The following GXYLT2 variants were observed in gnomAD, a reference collection of about 807,000 sequenced individuals.
The protein encoded by GXYLT2 is glucoside xylosyltransferase 2.
Under a neutral mutation model 45.8 loss-of-function variants are expected in GXYLT2, and 53 were observed. The observed-to-expected ratio is 1.16, with a 90% CI of 0.93 to 1.46. The LOEUF is 1.46. Among genes scored for constraint, GXYLT2 ranks in the 40% most tolerant of loss-of-function variants. The pLI is 0.00. For synonymous variants in GXYLT2, 219 were observed against 214.2 expected, an observed-to-expected ratio of 1.02 and a Z score of -0.19; for missense variants, 551 against 544.4, an observed-to-expected ratio of 1.01 and a Z score of -0.12.
At position 72,888,357 on chromosome 3, in the gene GXYLT2, G is replaced by T; in HGVS notation, c.124G>T (p.Ala42Ser). The T allele has an allele frequency of 1.0e-6, 1 of 982,614 alleles. No individual in the cohort carries two copies. Among genetic ancestry groups the T allele is most frequent in the Non-Finnish European group, 1.2e-6 (1 of 829,816 alleles). 60.9% of individuals were successfully genotyped at this position (982,614 alleles called of 1,614,324 possible). The stretch of plus-strand genomic sequence containing the variant: ...AGCGCTGCCCGCGCGCCCCGCGTCC[G>T]CCCCGCAGCGCCACCCCGCGCCTGT... ...PPALPARPAS[A>S]PQRHPAPVPA... is the part of the protein sequence containing the mutation. The change falls in exon 1 of 7, where the codon GCC (alanine) becomes TCC (serine). Residue 42 changes from alanine to serine, a missense_variant. By Grantham distance (99) the Ala-to-Ser change is moderately conservative. Transcript: ENST00000389617.
intron 2 of GXYLT2, among the ~76,000 whole-genome samples, chr3:72,914,313 C>T (rs1015604470): frequency 2.0e-5 from 3 of 152,064 alleles, no homozygotes; most frequent in Non-Finnish European, 4.4e-5. Flanking sequence ...CATCTCCCAA[C>T]AGAGAAGTGG....
At position 72,915,059 on chromosome 3, in the gene GXYLT2, A is replaced by G. The variant is rs961793469; in HGVS notation, c.468+6500A>G. On this transcript the variant is annotated intron_variant, in intron 2 of 6. Transcript: ENST00000389617. ...TCCCAGCTACTTAGGAGGCTGAGGC[A>G]TGAGAATCGCTTGAACCCGGGAGTG... 2.0e-5 allele frequency among the ~76,000 whole-genome samples: 3 copies of G among 152,158 alleles called. No individual in the cohort carries two copies. The East Asian group carries it at 5.8e-4, about 30-fold the overall frequency.
At chr3:72,912,510 T>C (rs1709652023) in intron 2 of GXYLT2, among the ~76,000 whole-genome samples, 1 of 152,142 alleles carries the variant, frequency 6.6e-6, no homozygotes, top group Non-Finnish European at 1.5e-5. Context: ...AGTTAATATA[T>C]TACATATATA....
At chr3:72,929,949 C>G (rs1030263550) in intron 3 of GXYLT2, among the ~76,000 whole-genome samples, 1 of 151,988 alleles carries the variant, frequency 6.6e-6, no homozygotes, top group Non-Finnish European at 1.5e-5. Flanking sequence ...GGTGGATCAC[C>G]TGAGGTCAGA....
chr3:72,950,491 C>T (rs529130722), intron 3 of GXYLT2, among the ~76,000 whole-genome samples: 3 of 151,872 alleles, frequency 2.0e-5, no homozygotes, highest in African/African-American at 4.8e-5. Context: ...ATTAGCTGGC[C>T]GCGGTAACTC....
chr3:72,927,413 C>T (rs1709939421), intron 3 of GXYLT2, among the ~76,000 whole-genome samples: 1 of 152,126 alleles, frequency 6.6e-6, no homozygotes, highest in African/African-American at 2.4e-5. Flanking sequence ...CTACTTACGG[C>T]TTGTTAAAGA....
At chr3:72,934,135 G>A (rs1710132997) in intron 3 of GXYLT2, among the ~76,000 whole-genome samples, 1 of 141,678 alleles carries the variant, frequency 7.1e-6, no homozygotes, top group South Asian at 2.2e-4. Flanking sequence ...AGGCTAGAGT[G>A]TAGTGGTGTG....
chr3:72,928,937 A>T (rs951733886), intron 3 of GXYLT2: 4 of 741,694 alleles, frequency 5.4e-6, no homozygotes, highest in Non-Finnish European at 9.4e-6. Flanking sequence ...CCGGCCGCCC[A>T]TAGCCAGTCC....
At chr3:72,941,273 A>G (rs931818338) in intron 3 of GXYLT2, among the ~76,000 whole-genome samples, 1 of 152,060 alleles carries the variant, frequency 6.6e-6, no homozygotes. Context: ...CTACTCCTGC[A>G]TTTTTGGTTT....
At chr3:72,956,804 C>T (rs1239493739) in intron 4 of GXYLT2, among the ~76,000 whole-genome samples, 3 of 151,688 alleles carry the variant, frequency 2.0e-5, no homozygotes, top group South Asian at 2.1e-4. Flanking sequence ...GCACGAGAAT[C>T]GCTTGAACCC....
Position 72,906,236 on chromosome 3 carries a change from G to A in GXYLT2, c.276-2131G>A, listed in dbSNP as rs540010427. 3.3e-5 allele frequency among the ~76,000 whole-genome samples: 5 copies of A among 152,212 alleles called. No homozygotes were observed. The South Asian group carries it at 1.0e-3, about 32-fold the overall frequency. ...GACCAGGCCTGTGAGTCTTGCAGGCGGGGGTCCTCACTTTGTTCAGGAAGA... is the reference window on the plus strand; with the variant it reads ...GACCAGGCCTGTGAGTCTTGCAGGCAGGGGTCCTCACTTTGTTCAGGAAGA... On this transcript the variant is annotated intron_variant, in intron 1 of 6. Transcript: ENST00000389617.
rs531044051 is a variant in GXYLT2, at chr3:72,924,330, A to G, written c.600+1995A>G. ...CACCCGAGCCTCACAAGTAGCTGGG[A>G]CTACAGGTGTGAGCCACCATGCTTA... On this transcript the variant is annotated intron_variant, in intron 3 of 6. Coordinates refer to ENST00000389617, the MANE Select transcript of GXYLT2 (RefSeq NM_001080393.2). Among the ~76,000 whole-genome samples, 7 of 152,032 alleles carry G rather than the reference A, an allele frequency of 4.6e-5. No individual in the cohort carries two copies. In the South Asian group the frequency reaches 8.3e-4, roughly 18 times the overall value.
chr3:72,917,181 C>T (rs551803682), intron 2 of GXYLT2, among the ~76,000 whole-genome samples: 8 of 152,212 alleles, frequency 5.3e-5, no homozygotes, highest in African/African-American at 1.9e-4. Context: ...TCACAGCTCA[C>T]TGCAGCCCCA....
At chr3:72,941,047 G>A (rs1480719457) in intron 3 of GXYLT2, among the ~76,000 whole-genome samples, 1 of 152,162 alleles carries the variant, frequency 6.6e-6, no homozygotes, top group Non-Finnish European at 1.5e-5. Context: ...TTTACGTAAT[G>A]TATGCAAGCT....
chr3:72,915,969 G>C (rs969785341), intron 2 of GXYLT2, among the ~76,000 whole-genome samples: 3 of 152,028 alleles, frequency 2.0e-5, no homozygotes, highest in Admixed American at 1.3e-4. Flanking sequence ...GGTCCTTGTT[G>C]TCTTACCTTC....
At chr3:72,925,349 T>C (rs1316228545) in intron 3 of GXYLT2, among the ~76,000 whole-genome samples, 2 of 151,946 alleles carry the variant, frequency 1.3e-5, no homozygotes, top group Non-Finnish European at 2.9e-5. Flanking sequence ...AGAGACAGGG[T>C]TTCACCATGT....
At chr3:72,944,492 T>G (rs970586220) in intron 3 of GXYLT2, among the ~76,000 whole-genome samples, 1 of 151,862 alleles carries the variant, frequency 6.6e-6, no homozygotes, top group Non-Finnish European at 1.5e-5. Context: ...TGACCTCGAG[T>G]GATCCGCCCG....
intron 3 of GXYLT2, among the ~76,000 whole-genome samples, chr3:72,934,546 G>A (rs1710142002): frequency 6.6e-6 from 1 of 152,144 alleles, no homozygotes; most frequent in Non-Finnish European, 1.5e-5. Flanking sequence ...TGAATTAGCG[G>A]CATCCACTAT....
chr3:72,972,452 C>T (rs1291570943), intron 6 of GXYLT2, among the ~76,000 whole-genome samples: 1 of 151,716 alleles, frequency 6.6e-6, no homozygotes, highest in Non-Finnish European at 1.5e-5. Flanking sequence ...ACCAGCCTGG[C>T]CAACATGGTG....
Sources: gnomAD v4.1 joint callset for allele counts (sites outside exome capture counted in the v4.1 genomes callset) on GRCh38, gnomAD v4.1.1 for gene constraint, MANE v1.5 for transcripts, NCBI Gene and HGNC (gene_info 2026-07-23, HGNC 2026-07-21) for gene names.